The following NUGGC variants were observed in gnomAD, a reference collection of about 807,000 sequenced individuals.
The protein encoded by NUGGC is nuclear GTPase, germinal center associated.
Under a neutral mutation model 92.6 loss-of-function variants are expected in NUGGC, and 58 were observed. The observed-to-expected ratio is 0.63, with a 90% CI of 0.51 to 0.78. NUGGC has a LOEUF of 0.78. Among genes scored for constraint, NUGGC ranks in the 30% least tolerant of loss-of-function variants. The probability of loss-of-function intolerance (pLI) is 0.00; values close to 1 mark genes in which losing one functional copy is unlikely to be tolerated. For synonymous variants in NUGGC, 376 were observed against 366.4 expected (o/e 1.03, Z -0.30); for missense variants, 925 against 964.6 (o/e 0.96, Z 0.54).
intron 15 of NUGGC, among the ~76,000 whole-genome samples, chr8:28,030,711 G>C (rs572806986): frequency 2.1e-4 from 32 of 152,174 alleles, no homozygotes; most frequent in African/African-American, 7.5e-4. Context: ...CTCTCTGGGG[G>C]GCAGAGGAGA....
chr8:28,031,398 C>G lies in NUGGC; in HGVS notation c.1770-17G>C. The G allele has an allele frequency of 6.2e-7, 1 of 1,607,970 alleles. No homozygotes were observed. The highest frequency in any genetic ancestry group is 1.3e-5 in the African/African-American group (1 of 74,606). ...TTCCCCGTCCTACGGAAGAAAGTGA[C>G]AAAAAAGTTTAAGAGAATGGTGGCT... On this transcript the variant is annotated splice_polypyrimidine_tract_variant and intron_variant, in intron 14 of 18. Transcript: ENST00000413272.
At chr8:28,060,722 G>T in intron 7 of NUGGC, 121 bp from the exon 8 acceptor site, 2 of 723,744 alleles carry the variant, frequency 2.8e-6, no homozygotes, top group Non-Finnish European at 2.2e-6. Flanking sequence ...GCTCCCCACC[G>T]CACTCTGTGC....
chr8:28,057,927 C>T (rs916483325), intron 9 of NUGGC, among the ~76,000 whole-genome samples: 1 of 152,180 alleles, frequency 6.6e-6, no homozygotes, highest in African/African-American at 2.4e-5. Context: ...CGCGGTGGCT[C>T]ACGCCTGTAA....
In NUGGC at chr8:28,045,609, T is replaced by C; in HGVS notation, c.1364A>G (p.Lys455Arg). 6.2e-7 allele frequency: 1 copy of C among 1,613,034 alleles called. No homozygotes were observed. Among genetic ancestry groups the C allele is most frequent in the Non-Finnish European group, 8.5e-7 (1 of 1,179,504 alleles). ...AGTCACATACTTGGTCACTGTCCTCTTCTTCTTGTCCAAGAGGCTCTTCCT... is the reference window on the plus strand; with the variant it reads ...AGTCACATACTTGGTCACTGTCCTCCTCTTCTTGTCCAAGAGGCTCTTCCT... ...YIRKSLLDKK[K>R]RTVTKYVTEA... The change falls in exon 12 of 19, where the codon AAG becomes AGG. Residue 455 changes from lysine (K) to arginine (R), a missense_variant. By Grantham distance (26) the Lys-to-Arg change is conservative. Coordinates refer to ENST00000413272, the MANE Select transcript of NUGGC (RefSeq NM_001010906.2).
At chr8:28,053,040 G>A (rs1218624891) in intron 10 of NUGGC, among the ~76,000 whole-genome samples, 1 of 151,864 alleles carries the variant, frequency 6.6e-6, no homozygotes. Context: ...GGTGGGTTGT[G>A]TTTTGATACT....
At chr8:28,043,945 C>CT (rs762282177) in intron 12 of NUGGC, among the ~76,000 whole-genome samples, 35 of 152,168 alleles carry the variant, frequency 2.3e-4, no homozygotes, top group Non-Finnish European at 4.7e-4. Flanking sequence ...TCTTGTACAA[C>CT]TAGACCAAAA....
At chr8:28,028,818 A>T (rs1188871661) in intron 17 of NUGGC, among the ~76,000 whole-genome samples, 1 of 152,226 alleles carries the variant, frequency 6.6e-6, no homozygotes, top group Non-Finnish European at 1.5e-5. Context: ...CATTTTATGT[A>T]GACAAGACAT....
chr8:28,064,597 G>A lies in NUGGC; in HGVS notation c.846C>T (p.Ile282=), dbSNP rs376017614. 586 of 1,613,886 alleles carry A rather than the reference G, an allele frequency of 3.6e-4. No homozygotes were observed. The highest frequency in any genetic ancestry group is 4.4e-4 in the Non-Finnish European group (525 of 1,179,902). Residue 282 remains isoleucine, a synonymous_variant, in exon 7 of 19, where the codon ATC becomes ATT. Transcript: ENST00000413272. ...TGTCCACCAGCACGACCCCTTCTGG[G>A]ATCAGGTCGGATTTGGGAAGTGTCA... ...VEVTLPKSDL[I]PEGVVLVDIP... is the part of the protein sequence containing the mutation.
intron 18 of NUGGC, 29 bp downstream of exon 18, chr8:28,026,933 C>A (rs1809277522): frequency 6.8e-7 from 1 of 1,463,042 alleles, no homozygotes; most frequent in African/African-American, 1.4e-5. Flanking sequence ...TGCACAATCA[C>A]CCTGTATACA....
intron 10 of NUGGC, among the ~76,000 whole-genome samples, chr8:28,049,041 G>C (rs1809920878): frequency 1.3e-5 from 2 of 152,064 alleles, no homozygotes; most frequent in South Asian, 4.2e-4. Flanking sequence ...GAATGTGCAT[G>C]TGCGTGTGTG....
intron 1 of NUGGC, 132 bp downstream of exon 1, chr8:28,083,643 G>A (rs1810903812): frequency 6.6e-6 from 1 of 152,108 alleles, no homozygotes. Context: ...AGTTGGGTGG[G>A]AATTACATGG....
chr8:28,059,198 G>A lies in NUGGC; in HGVS notation c.1098-922C>T, dbSNP rs546669411. Among the ~76,000 whole-genome samples the A allele has an allele frequency of 2.6e-5, 4 of 152,274 alleles. No individual in the cohort carries two copies. The South Asian group carries it at 8.3e-4, about 32-fold the overall frequency. The stretch of plus-strand genomic sequence containing the variant: ...GTGTGGAGGAAATGGTGGAGGGGCT[G>A]TAAAGGAGCTCTTGTTGGAGGTGAG... On this transcript the variant is annotated intron_variant, in intron 8 of 18. Transcript: ENST00000413272.
chr8:28,049,900 ACATG>A (rs1465546872), intron 10 of NUGGC, among the ~76,000 whole-genome samples: 1 of 152,144 alleles, frequency 6.6e-6, no homozygotes, highest in Non-Finnish European at 1.5e-5. Context: ...AGCCTAGCCA[ACATG>A]GTGAAACCCC....
chr8:28,054,876 C>T (rs149043539), intron 10 of NUGGC, among the ~76,000 whole-genome samples: 74 of 151,668 alleles, frequency 4.9e-4, no homozygotes, highest in African/African-American at 1.7e-3. Context: ...AGTGGAAACC[C>T]CATCTTTAAA....
At chr8:28,029,206 C>T in intron 17 of NUGGC, 60 bp downstream of exon 17, 2 of 1,551,896 alleles carry the variant, frequency 1.3e-6, no homozygotes, top group South Asian at 2.4e-5. Context: ...TCTGCACTCG[C>T]TTCCTCTCCT....
chr8:28,040,483 G>A (rs759427921), intron 13 of NUGGC, among the ~76,000 whole-genome samples: 17 of 152,124 alleles, frequency 1.1e-4, no homozygotes, highest in Admixed American at 3.3e-4. Flanking sequence ...ATGTTTGGTG[G>A]AGCTGGTACT....
rs765871389 is a variant in NUGGC, at chr8:28,031,276, A to G, written c.1875T>C (p.Tyr625=). 8 of 1,613,912 alleles carry G rather than the reference A, an allele frequency of 5.0e-6. No individual in the cohort carries two copies. The highest frequency in any genetic ancestry group is 5.9e-6 in the Non-Finnish European group (7 of 1,179,898). ...TEIGIRSGWK[Y]DSCKKNFLIQ... ...TCAGGAAATTTTTTTTGCAGCTATC[A>G]TATTTCCAGCCACTTCTTATCCCAA... Residue 625 remains tyrosine, a synonymous_variant, in exon 15 of 19, where the codon TAT becomes TAC. Coordinates refer to ENST00000413272, the MANE Select transcript of NUGGC (RefSeq NM_001010906.2).
chr8:28,027,437 C>T (rs1463758506), intron 17 of NUGGC, among the ~76,000 whole-genome samples: 1 of 152,174 alleles, frequency 6.6e-6, no homozygotes, highest in Non-Finnish European at 1.5e-5. Context: ...TCCTCTCGTC[C>T]ATGCATCTGC....
chr8:28,037,498 G>A (rs1005832420), intron 13 of NUGGC, among the ~76,000 whole-genome samples: 1 of 152,132 alleles, frequency 6.6e-6, no homozygotes, highest in Non-Finnish European at 1.5e-5. Context: ...TTATTGGACT[G>A]TCCTCTAACC....
Sources: allele counts gnomAD v4.1 joint callset (sites outside exome capture counted in the v4.1 genomes callset), GRCh38; gene constraint gnomAD v4.1.1; transcripts MANE v1.5; gene names NCBI Gene and HGNC (gene_info 2026-07-23, HGNC 2026-07-21).